SLC22A4: variants seen among roughly 807,000 people sequenced by gnomAD.
SLC22A4 encodes the protein ET transporter.
Under a neutral mutation model 56.6 loss-of-function variants are expected in SLC22A4, and 39 were observed. The observed-to-expected ratio is 0.69, with a 90% confidence interval of 0.53 to 0.90. The LOEUF (loss-of-function observed/expected upper bound fraction) is 0.90, where lower values mean the gene tolerates loss of function less well. Ranked by LOEUF, SLC22A4 falls within the 40% of genes least tolerant of loss-of-function variation. The pLI is 0.00. For missense variants in SLC22A4, 594 were observed against 696.5 expected, an observed-to-expected ratio of 0.85 and a Z score of 1.66; for synonymous variants, 241 against 281.4, an observed-to-expected ratio of 0.86 and a Z score of 1.44.
chr5:132,299,626 G>A (rs182198065), intron 1 of SLC22A4, among the ~76,000 whole-genome samples: 15 of 150,340 alleles, frequency 1.0e-4, no homozygotes, highest in African/African-American at 2.7e-4. Context: ...TTTGTTTTTT[G>A]TATTTTTAGT....
At chr5:132,330,385 G>A (rs1429440263) in intron 5 of SLC22A4, among the ~76,000 whole-genome samples, 2 of 152,144 alleles carry the variant, frequency 1.3e-5, no homozygotes, top group African/African-American at 4.8e-5. Context: ...AATCAGCTTG[G>A]TTACCTTGAT....
intron 2 of SLC22A4, among the ~76,000 whole-genome samples, chr5:132,312,474 C>G (rs1184405289): frequency 6.6e-6 from 1 of 152,206 alleles, no homozygotes. Context: ...TTCTCCCAGC[C>G]TCATGCTCCC....
intron 8 of SLC22A4, among the ~76,000 whole-genome samples, chr5:132,336,361 T>C (rs1751026652): frequency 3.9e-5 from 6 of 151,930 alleles, no homozygotes; most frequent in Admixed American, 3.9e-4. Flanking sequence ...CTGTCTCTAC[T>C]AAAAATAAAA....
Position 132,334,951 on chromosome 5 carries a change from T to C in SLC22A4, c.1261+19T>C, listed in dbSNP as rs11568504. The C allele has an allele frequency of 4.4e-4, 680 of 1,559,020 alleles. 1 individual carries two copies. The African/African-American group carries it at 7.6e-3, about 17-fold the overall frequency. Reference sequence around the variant, plus strand: ...CCTGTGGGTAAGAAGTTAACCAAGATGAACAGCTTACCAGAAAAGACCCAC... The same window carrying C: ...CCTGTGGGTAAGAAGTTAACCAAGACGAACAGCTTACCAGAAAAGACCCAC... On this transcript the variant is annotated intron_variant, in intron 7 of 9. Coordinates refer to ENST00000200652, the MANE Select transcript of SLC22A4 (RefSeq NM_003059.3).
intron 3 of SLC22A4, among the ~76,000 whole-genome samples, chr5:132,321,358 G>A (rs1255004110): frequency 1.3e-5 from 2 of 152,198 alleles, no homozygotes; most frequent in African/African-American, 4.8e-5. Context: ...GCATGGGTAA[G>A]TGTGCCCTGA....
intron 9 of SLC22A4, 55 bp from the exon 10 acceptor site, chr5:132,343,705 T>C: frequency 9.1e-7 from 1 of 1,102,398 alleles, no homozygotes; most frequent in Non-Finnish European, 1.4e-6. Context: ...ATGGAGCATT[T>C]TGAGGAGGAA....
chr5:132,322,084 C>T, intron 3 of SLC22A4, 100 bp from the exon 4 acceptor site: 1 of 1,111,706 alleles, frequency 9.0e-7, no homozygotes, highest in South Asian at 1.2e-5. Flanking sequence ...TTCCCCTTTT[C>T]TAAGTGGTGA....
intron 1 of SLC22A4, among the ~76,000 whole-genome samples, chr5:132,303,703 A>G (rs1284956974): frequency 6.6e-6 from 1 of 152,210 alleles, no homozygotes; most frequent in Non-Finnish European, 1.5e-5. Context: ...AGGTGCCACA[A>G]GTTGAGAATA....
chr5:132,295,510 C>T (rs1230189556), intron 1 of SLC22A4: 1 of 350,322 alleles, frequency 2.9e-6, no homozygotes, highest in African/African-American at 2.1e-5. Flanking sequence ...CCTGAGGCCC[C>T]AGTTTCTCTA....
At chr5:132,343,037 C>T (rs1225189607) in intron 9 of SLC22A4, among the ~76,000 whole-genome samples, 1 of 152,190 alleles carries the variant, frequency 6.6e-6, no homozygotes, top group Non-Finnish European at 1.5e-5. Flanking sequence ...AGGGCCCAGC[C>T]AAGGGTTGCC....
At chr5:132,324,408 A>C (rs920208135) in intron 4 of SLC22A4, 22 of 430,570 alleles carry the variant, frequency 5.1e-5, no homozygotes, top group Non-Finnish European at 8.7e-5. Context: ...GGTCCATCCC[A>C]CAGGGAGCCT....
At chr5:132,336,040 G>C in intron 8 of SLC22A4, 40 bp downstream of exon 8, 1 of 1,581,284 alleles carries the variant, frequency 6.3e-7, no homozygotes, top group Non-Finnish European at 8.7e-7. Flanking sequence ...CTTTAAATTA[G>C]TTTTCAATGT....
At chr5:132,329,224 G>A (rs568394416) in intron 5 of SLC22A4, among the ~76,000 whole-genome samples, 1 of 152,140 alleles carries the variant, frequency 6.6e-6, no homozygotes, top group Non-Finnish European at 1.5e-5. Context: ...ACAGATGTGA[G>A]CCATCATTCT....
chr5:132,335,919 C>T lies in SLC22A4; in HGVS notation c.1363C>T (p.Leu455=). The T allele has an allele frequency of 6.2e-7, 1 of 1,614,194 alleles. No homozygotes were observed. Among genetic ancestry groups the T allele is most frequent in the Non-Finnish European group, 8.5e-7 (1 of 1,180,026 alleles). The change falls in exon 8 of 10, where the codon CTG becomes TTG. Residue 455 remains leucine, a synonymous_variant. Transcript: ENST00000200652. ...CTTCACTGCTGAGCTCTACCCAACC[C>T]TGGTCAGGAACATGGCGGTGGGGGT... is the stretch of plus-strand genomic sequence containing the variant. ...YVFTAELYPT[L]VRNMAVGVTS...
chr5:132,312,191 G>T lies in SLC22A4; in HGVS notation c.424G>T (p.Val142Leu). ...TCTGGTGTGTGAGGACAACTGGAAG[G>T]TGCCCCTCACCACCTCCCTGTTCTT... The part of the protein sequence containing the change: ...WNLVCEDNWK[V>L]PLTTSLFFVG... The change falls in exon 2 of 10, where the codon GTG becomes TTG. Residue 142 changes from valine (V) to leucine (L), a missense_variant. Transcript: ENST00000200652. 1 of 1,613,320 alleles carries T rather than the reference G, an allele frequency of 6.2e-7. No individual in the cohort carries two copies. The highest frequency in any genetic ancestry group is 8.5e-7 in the Non-Finnish European group (1 of 1,179,234).
At chr5:132,318,736 C>T (rs1470339632) in intron 3 of SLC22A4, among the ~76,000 whole-genome samples, 1 of 152,156 alleles carries the variant, frequency 6.6e-6, no homozygotes, top group Admixed American at 6.5e-5. Context: ...CTAGCCAGGT[C>T]ATGTCCCTTT....
chr5:132,306,596 C>T lies in SLC22A4; in HGVS notation c.394-5565C>T, dbSNP rs568654372. Among the ~76,000 whole-genome samples, 15 of 150,740 alleles carry T rather than the reference C, an allele frequency of 1.0e-4. No homozygotes were observed. The South Asian group carries it at 3.2e-3, about 32-fold the overall frequency. ...AAGTAGCTGGGATTACAGGCACGTG[C>T]CACCGTGCCCAGCTAATTTTTGCAT... On this transcript the variant is annotated intron_variant, in intron 1 of 9. Transcript: ENST00000200652.
At chr5:132,342,118 T>C (rs1751236856) in intron 9 of SLC22A4, among the ~76,000 whole-genome samples, 1 of 152,152 alleles carries the variant, frequency 6.6e-6, no homozygotes, top group Admixed American at 6.5e-5. Flanking sequence ...ATATATCTGA[T>C]TGTACATTTT....
rs1749764031 is a variant in SLC22A4 at position 132,295,681 on chromosome 5, T to C, written c.393+672T>C. 6 of 198,920 alleles carry C rather than the reference T, an allele frequency of 3.0e-5. No individual in the cohort carries two copies. In the South Asian group the frequency reaches 4.7e-4, roughly 16 times the overall value. 12.3% of individuals were successfully genotyped at this position (198,920 alleles called of 1,614,324 possible). Reference sequence around the variant, plus strand: ...ACCCTGCGTGGTTAGTGGCAGGTTTTCTAAGTTCCAGGAATGAGGATGCAC... The same window carrying C: ...ACCCTGCGTGGTTAGTGGCAGGTTTCCTAAGTTCCAGGAATGAGGATGCAC... On this transcript the variant is annotated intron_variant, in intron 1 of 9. Coordinates refer to ENST00000200652, the MANE Select transcript of SLC22A4 (RefSeq NM_003059.3).
Sources: allele counts gnomAD v4.1 joint callset (sites outside exome capture counted in the v4.1 genomes callset), GRCh38; gene constraint gnomAD v4.1.1; transcripts MANE v1.5; gene names NCBI Gene and HGNC (gene_info 2026-07-23, HGNC 2026-07-21).